Variants in PCDHA3 observed in about 807,000 individuals in gnomAD.
PCDHA3 encodes protocadherin alpha-3.
A neutral mutation model predicts 62.2 loss-of-function variants in PCDHA3; 41 were observed. The ratio of observed to expected loss-of-function variants is 0.66; its 90% CI spans 0.51 to 0.86. The LOEUF (loss-of-function observed/expected upper bound fraction) is 0.86, where lower values mean the gene tolerates loss of function less well. Ranked by LOEUF, PCDHA3 falls within the 40% of genes least tolerant of loss-of-function variation. PCDHA3 has a pLI of 0.00. For missense variants in PCDHA3, 1,304 were observed against 1,241.2 expected, an observed-to-expected ratio of 1.05 and a Z score of -0.76; for synonymous variants, 640 against 555.4, an observed-to-expected ratio of 1.15 and a Z score of -2.14.
At chr5:140,851,673 T>C (rs2042127540) in intron 1 of PCDHA3, 1 of 917,738 alleles carries the variant, frequency 1.1e-6, no homozygotes, top group Non-Finnish European at 1.3e-6. Flanking sequence ...TAATTGAAAT[T>C]TTCTCCATTC....
chr5:140,962,171 G>T (rs1218733161), intron 1 of PCDHA3, among the ~76,000 whole-genome samples: 1 of 151,902 alleles, frequency 6.6e-6, no homozygotes, highest in Admixed American at 6.6e-5. Flanking sequence ...CACCACACCC[G>T]GCCACTTATA....
chr5:140,875,198 G>T (rs782209612), intron 1 of PCDHA3: 16 of 552,110 alleles, frequency 2.9e-5, no homozygotes, highest in Non-Finnish European at 4.5e-5. Flanking sequence ...GACCCAGGAA[G>T]TGGCTAAACC....
intron 1 of PCDHA3, among the ~76,000 whole-genome samples, chr5:140,963,588 A>G (rs1554226668): frequency 6.6e-6 from 1 of 152,218 alleles, no homozygotes; most frequent in African/African-American, 2.4e-5. Flanking sequence ...AATGTAGGAT[A>G]TAGTTCTAGA....
intron 1 of PCDHA3, chr5:140,807,353 C>T: frequency 6.2e-7 from 1 of 1,610,912 alleles, no homozygotes; most frequent in Non-Finnish European, 8.5e-7. Flanking sequence ...GGGACTGGAG[C>T]TGGCGGAGCT....
In PCDHA3 at chr5:140,838,362, G is replaced by A. The variant is rs145931945; in HGVS notation, c.2394+34771G>A. Among the ~76,000 whole-genome samples, 553 of 150,200 alleles carry A rather than the reference G, an allele frequency of 3.7e-3. 7 individuals carry two copies. Among genetic ancestry groups the A allele is most frequent in the African/African-American group, 0.013 (527 of 40,560 alleles). ...TGGTCTCGAAATCTGGGACTCAAGT[G>A]ATCTGACTGCCTCAGCCTCCCAATG... is the stretch of plus-strand genomic sequence containing the variant. On this transcript the variant is annotated intron_variant, in intron 1 of 3. Coordinates refer to ENST00000522353, the MANE Select transcript of PCDHA3 (RefSeq NM_018906.3).
chr5:140,825,611 G>C (rs1431448877), intron 1 of PCDHA3: 6 of 151,560 alleles, frequency 4.0e-5, no homozygotes, highest in African/African-American at 1.5e-4. Flanking sequence ...TACTAGAGAC[G>C]GGGTTTCACC....
At chr5:140,884,396 C>A (rs2060144550) in intron 1 of PCDHA3, 2 of 1,614,012 alleles carry the variant, frequency 1.2e-6, no homozygotes, top group Middle Eastern at 1.6e-4. Flanking sequence ...GGTGTCCAGC[C>A]TGTTGGTGCT....
intron 1 of PCDHA3, chr5:140,854,216 A>T (rs1332746944): frequency 4.7e-6 from 3 of 633,232 alleles, no homozygotes; most frequent in Non-Finnish European, 5.9e-6. Flanking sequence ...TCAATATTGG[A>T]CATCTACATT....
At chr5:140,807,546 A>G (rs782531959) in intron 1 of PCDHA3, 11 of 1,614,016 alleles carry the variant, frequency 6.8e-6, no homozygotes, top group African/African-American at 1.3e-5. Context: ...TTCCATGTGG[A>G]CGTGGAGGTG....
At chr5:140,877,391 C>T (rs782042077) in intron 1 of PCDHA3, 21 of 1,613,950 alleles carry the variant, frequency 1.3e-5, no homozygotes, top group Non-Finnish European at 1.8e-5. Flanking sequence ...CTGGATGAGG[C>T]GGACGCTCCG....
intron 3 of PCDHA3, among the ~76,000 whole-genome samples, chr5:140,995,339 G>A (rs782776966): frequency 1.3e-4 from 20 of 152,026 alleles, no homozygotes; most frequent in Non-Finnish European, 7.4e-5. Context: ...TAGTGTAGAC[G>A]GCATGGATAG....
chr5:140,869,190 C>G (rs536787060), intron 1 of PCDHA3: 1 of 1,613,998 alleles, frequency 6.2e-7, no homozygotes, highest in African/African-American at 1.3e-5. Context: ...TGGGGAGCGG[C>G]CAGCTCCACT....
intron 1 of PCDHA3, among the ~76,000 whole-genome samples, chr5:140,952,159 G>T (rs1226707673): frequency 2.0e-5 from 3 of 152,056 alleles, no homozygotes; most frequent in African/African-American, 7.2e-5. Context: ...TGGCTTTGTG[G>T]GGTTCAGTTC....
rs2150467909 is a variant in PCDHA3, at chr5:140,850,110, G to A, written c.2394+46519G>A. The A allele has an allele frequency of 3.1e-6, 5 of 1,596,146 alleles. No individual in the cohort carries two copies. The East Asian group carries it at 8.9e-5, about 28-fold the overall frequency. Reference sequence around the variant, plus strand: ...GCTACAGTTCCAGGTGAGCGCGCGCGACGCGGGCGTGCCGCCTCTGGGCAG... The same window carrying A: ...GCTACAGTTCCAGGTGAGCGCGCGCAACGCGGGCGTGCCGCCTCTGGGCAG... On this transcript the variant is annotated intron_variant, in intron 1 of 3. Coordinates refer to ENST00000522353, the MANE Select transcript of PCDHA3 (RefSeq NM_018906.3).
chr5:141,000,913 A>G (rs967026969), intron 3 of PCDHA3, among the ~76,000 whole-genome samples: 1 of 152,218 alleles, frequency 6.6e-6, no homozygotes, highest in African/African-American at 2.4e-5. Context: ...GTCTCTAAAA[A>G]AAAAAATCCT....
At chr5:140,891,624 T>C (rs1489586112) in intron 1 of PCDHA3, among the ~76,000 whole-genome samples, 1 of 152,188 alleles carries the variant, frequency 6.6e-6, no homozygotes, top group African/African-American at 2.4e-5. Context: ...TTTTAACACC[T>C]TTTGCTCTTT....
chr5:140,969,047 A>C, intron 1 of PCDHA3: 1 of 1,614,152 alleles, frequency 6.2e-7, no homozygotes, highest in Non-Finnish European at 8.5e-7. Flanking sequence ...CAAACAAGCC[A>C]ACAACAATAT....
chr5:140,893,106 C>T (rs1226663436), intron 1 of PCDHA3, among the ~76,000 whole-genome samples: 3 of 152,170 alleles, frequency 2.0e-5, no homozygotes, highest in African/African-American at 4.8e-5. Flanking sequence ...GATAATATTC[C>T]GTTGTGCATA....
chr5:140,976,054 G>A (rs1554237225), intron 1 of PCDHA3, among the ~76,000 whole-genome samples: 1 of 152,134 alleles, frequency 6.6e-6, no homozygotes, highest in African/African-American at 2.4e-5. Context: ...AATTGTGATA[G>A]TAATATATGT....
Sources: allele counts gnomAD v4.1 joint callset (sites outside exome capture counted in the v4.1 genomes callset), GRCh38; gene constraint gnomAD v4.1.1; transcripts MANE v1.5; gene names NCBI Gene and HGNC (gene_info 2026-07-23, HGNC 2026-07-21).